LGSN: variants seen among roughly 807,000 people sequenced by gnomAD.
The protein encoded by LGSN is lengsin, lens protein with glutamine synthetase domain, also known as lengsin.
In LGSN, 21 loss-of-function variants were observed where a neutral mutation model predicts 19.5. That is an observed-to-expected ratio of 1.07 (90% confidence interval 0.76 to 1.55). The LOEUF is 1.55. LGSN is among the 40% of genes most tolerant of loss of function. The probability of loss-of-function intolerance (pLI) is 0.00; values close to 1 mark genes in which losing one functional copy is unlikely to be tolerated. For missense variants in LGSN, 673 were observed against 608.5 expected, an observed-to-expected ratio of 1.11 and a Z score of -1.12; for synonymous variants, 257 against 215.6, an observed-to-expected ratio of 1.19 and a Z score of -1.68.
At chr6:63,342,792 C>T in the LGSN span, among the ~76,000 whole-genome samples, 1 of 152,208 alleles carries the variant, frequency 6.6e-6, no homozygotes, top group Non-Finnish European at 1.5e-5. Flanking sequence ...TCAGATATAA[C>T]ACAAGGCTTT....
chr6:63,505,605 G>GAAATAAATAAATAAAT, the LGSN span, among the ~76,000 whole-genome samples: 5 of 114,020 alleles, frequency 4.4e-5, no homozygotes, highest in Non-Finnish European at 7.7e-5. Context: ...AAGAAAGAAA[G>GAAATAAATAAATAAAT]AAAGAAAGAA....
the LGSN span, among the ~76,000 whole-genome samples, chr6:63,433,666 C>T: frequency 2.6e-5 from 4 of 152,318 alleles, no homozygotes; most frequent in South Asian, 8.3e-4. Context: ...GATATACACA[C>T]AGACATTTAA....
At chr6:63,572,521 C>G in the LGSN span, 1 of 390,702 alleles carries the variant, frequency 2.6e-6, no homozygotes, top group Non-Finnish European at 4.5e-6. Context: ...CGGGCCGGCT[C>G]GGCTACGCGC....
At chr6:63,522,503 ACAAG>A in the LGSN span, among the ~76,000 whole-genome samples, 2 of 152,252 alleles carry the variant, frequency 1.3e-5, no homozygotes, top group Non-Finnish European at 2.9e-5. Context: ...TGTATCCATG[ACAAG>A]CTTTAGTAAG....
chr6:63,351,389 ATGTGTGTCTG>A, the LGSN span, among the ~76,000 whole-genome samples: 15 of 150,940 alleles, frequency 9.9e-5, no homozygotes, highest in African/African-American at 1.5e-4. Context: ...GTGTGTGTGT[ATGTGTGTCTG>A]TGTGTGTCTG....
the LGSN span, among the ~76,000 whole-genome samples, chr6:63,412,529 G>GAAAGAATGAAAGAAAGAAA: frequency 3.1e-5 from 1 of 32,406 alleles, no homozygotes; most frequent in East Asian, 1.0e-3. Flanking sequence ...AAAGAAAGAA[G>GAAAGAATGAAAGAAAGAAA]GAAAGAAAGA....
At chr6:63,434,775 C>A in the LGSN span, among the ~76,000 whole-genome samples, 1 of 152,076 alleles carries the variant, frequency 6.6e-6, no homozygotes, top group Non-Finnish European at 1.5e-5. Flanking sequence ...CCAAGCCCAA[C>A]CTGAAACCAG....
chr6:63,320,696 A>G (rs1333052926), upstream of LGSN, among the ~76,000 whole-genome samples: 1 of 152,184 alleles, frequency 6.6e-6, no homozygotes, highest in Non-Finnish European at 1.5e-5. Context: ...TGCTGCTATC[A>G]ACTCAACTTC....
the LGSN span, among the ~76,000 whole-genome samples, chr6:63,480,918 C>T: frequency 1.4e-5 from 2 of 139,862 alleles, no homozygotes; most frequent in African/African-American, 5.5e-5. Flanking sequence ...TGCCCACTGA[C>T]TAATGAGTGG....
rs145376798 is a variant in LGSN, at chr6:63,295,004, G to A, written c.72C>T (p.Ser24=). Residue 24 remains serine, a synonymous_variant, in exon 2 of 4, where the codon AGC becomes AGT. Transcript: ENST00000370657. ...RDEGNETEAN[S]MNTLRRTRKK... is the part of the protein sequence containing the mutation. ...TCCTTGTCCTTCTTAATGTGTTCAT[G>A]CTGTTGGCTTCAGTCTCATTGCCTT... 6.3e-5 allele frequency: 101 copies of A among 1,613,326 alleles called. No homozygotes were observed. Among genetic ancestry groups the A allele is most frequent in the Middle Eastern group, 1.6e-4 (1 of 6,078 alleles).
chr6:63,331,904 A>G, the LGSN span, among the ~76,000 whole-genome samples: 449 of 152,242 alleles, frequency 2.9e-3, 3 homozygotes, highest in African/African-American at 0.01. Flanking sequence ...AGTCCTAAGC[A>G]TTCTCCTGTT....
intron 2 of LGSN, among the ~76,000 whole-genome samples, chr6:63,293,032 G>T (rs1767837841): frequency 6.6e-6 from 1 of 152,108 alleles, no homozygotes; most frequent in Non-Finnish European, 1.5e-5. Context: ...GGGGGGTAAG[G>T]TCTCTCTCTG....
At chr6:63,315,614 C>CTGTGTG in intron 1 of LGSN, among the ~76,000 whole-genome samples, 1 of 113,178 alleles carries the variant, frequency 8.8e-6, no homozygotes, top group East Asian at 2.6e-4. Context: ...CTCTCTCTCT[C>CTGTGTG]TCTCTGTGTG....
At chr6:63,417,775 C>T in the LGSN span, among the ~76,000 whole-genome samples, 1 of 152,262 alleles carries the variant, frequency 6.6e-6, no homozygotes, top group Non-Finnish European at 1.5e-5. Context: ...AAGGAGGACT[C>T]ATAGTACTTA....
chr6:63,478,909 A>G, the LGSN span, among the ~76,000 whole-genome samples: 1 of 152,216 alleles, frequency 6.6e-6, no homozygotes, highest in African/African-American at 2.4e-5. Context: ...TCCAAGGTTT[A>G]CAACCTTCAT....
rs900249337 is a variant in LGSN, at chr6:63,279,924, G to A, written c.*97C>T. Reference sequence around the variant, plus strand: ...CAAAAGCATTCGTAATCTTGTTATTGTTGCTGTTGTTAATTACAAAAGTTC... The same window carrying A: ...CAAAAGCATTCGTAATCTTGTTATTATTGCTGTTGTTAATTACAAAAGTTC... On this transcript the variant is annotated 3_prime_UTR_variant, in exon 4 of 4. Coordinates refer to ENST00000370657, the MANE Select transcript of LGSN (RefSeq NM_016571.3). The A allele has an allele frequency of 2.7e-6, 3 of 1,113,478 alleles. No homozygotes were observed. In the African/African-American group the frequency reaches 4.7e-5, roughly 18 times the overall value. 69.0% of individuals were successfully genotyped at this position (1,113,478 alleles called of 1,614,324 possible). A position where few individuals can be genotyped will look rare whatever the true frequency, so the allele number is the denominator to read the frequency against.
chr6:63,350,709 G>A, the LGSN span, among the ~76,000 whole-genome samples: 3 of 152,058 alleles, frequency 2.0e-5, no homozygotes, highest in Non-Finnish European at 4.4e-5. Flanking sequence ...AAAATTAGCT[G>A]GACATGGCAG....
chr6:63,401,682 G>A, the LGSN span, among the ~76,000 whole-genome samples: 16 of 152,334 alleles, frequency 1.1e-4, no homozygotes, highest in Admixed American at 9.2e-4. Flanking sequence ...AGCCATGGGC[G>A]TGTAGGTGAA....
chr6:63,280,758 G>A lies in LGSN; in HGVS notation c.793C>T (p.Gln265Ter). 1 of 1,614,064 alleles carries A rather than the reference G, an allele frequency of 6.2e-7. No homozygotes were observed. Among genetic ancestry groups the A allele is most frequent in the Non-Finnish European group, 8.5e-7 (1 of 1,180,004 alleles). ...TCAGGCAGGAAAGAGATTTCCATCT[G>A]ACCAGGCCTGGTAGAGGAGGAAAAA... ...ESFSSSTRPG[Q>*]MEISFLPEFG... The change falls in exon 4 of 4, where the codon CAG becomes TAG. Residue 265 changes from glutamine (Q) to a stop codon, truncating the protein, a stop_gained. Transcript: ENST00000370657. LOFTEE classifies it low-confidence loss of function (END_TRUNC).
Sources: gnomAD v4.1 joint callset for allele counts (sites outside exome capture counted in the v4.1 genomes callset) on GRCh38, gnomAD v4.1.1 for gene constraint, MANE v1.5 for transcripts, NCBI Gene and HGNC (gene_info 2026-07-23, HGNC 2026-07-21) for gene names.